Variants in RBFOX1 observed in about 807,000 individuals in gnomAD.
The protein encoded by RBFOX1 is RNA binding protein fox-1 homolog 1.
RBFOX1 carries 8 observed loss-of-function variants against 57.7 expected under a neutral mutation model. That is an observed-to-expected ratio of 0.14 (90% CI 0.08 to 0.25). RBFOX1 has a LOEUF of 0.25. Among genes scored for constraint, RBFOX1 ranks in the 10% least tolerant of loss-of-function variants. RBFOX1 has a pLI of 1.00. For synonymous variants in RBFOX1, 326 were observed against 222.4 expected (o/e 1.47, Z -4.15); for missense variants, 611 against 548.5 (o/e 1.11, Z -1.14).
intron 3 of RBFOX1, among the ~76,000 whole-genome samples, chr16:6,828,455 A>T (rs528649940): frequency 1.3e-5 from 2 of 151,864 alleles, no homozygotes; most frequent in South Asian, 2.1e-4. Context: ...ACCCAGGAGG[A>T]AGAGGTTGCA....
rs539378479 is a variant in RBFOX1, at chr16:7,628,502, A to G, written c.677-2101A>G. ...TCCCCTTGCTTGGTTTCATATCCCA[A>G]TCTCCATTCTTTGGAGTTTGGTTTG... is the stretch of plus-strand genomic sequence containing the variant. On this transcript the variant is annotated intron_variant, in intron 10 of 15. Coordinates refer to ENST00000550418, the MANE Select transcript of RBFOX1 (RefSeq NM_018723.4). Among the ~76,000 whole-genome samples, 3 of 152,116 alleles carry G rather than the reference A, an allele frequency of 2.0e-5. No homozygotes were observed. The East Asian group carries it at 5.8e-4, about 29-fold the overall frequency.
intron 1 of RBFOX1, among the ~76,000 whole-genome samples, chr16:6,111,260 T>C (rs1372149267): frequency 3.3e-5 from 5 of 152,218 alleles, no homozygotes; most frequent in Admixed American, 6.5e-5. Context: ...GTCACCCCAT[T>C]GTTGGACATA....
At chr16:7,629,718 T>C (rs758923090) in intron 10 of RBFOX1, among the ~76,000 whole-genome samples, 1 of 152,216 alleles carries the variant, frequency 6.6e-6, no homozygotes, top group Non-Finnish European at 1.5e-5. Context: ...AGGAGGTATC[T>C]CAGGATTCCA....
intron 3 of RBFOX1, among the ~76,000 whole-genome samples, chr16:6,856,823 C>G (rs1043137611): frequency 2.0e-5 from 3 of 152,022 alleles, no homozygotes; most frequent in Non-Finnish European, 4.4e-5. Context: ...TTGCGATTGT[C>G]AAACCACTGA....
At chr16:6,803,621 C>T (rs1173025850) in intron 3 of RBFOX1, among the ~76,000 whole-genome samples, 2 of 152,156 alleles carry the variant, frequency 1.3e-5, no homozygotes, top group Non-Finnish European at 1.5e-5. Context: ...GATTCCTAAA[C>T]CGAATGGACT....
intron 2 of RBFOX1, among the ~76,000 whole-genome samples, chr16:5,488,809 A>G (rs892218695): frequency 1.2e-4 from 18 of 148,674 alleles, no homozygotes; most frequent in South Asian, 6.8e-4. Flanking sequence ...ATTAACAGTG[A>G]TGATGATGAT....
chr16:7,291,933 ATATAT>A (rs992941657), intron 4 of RBFOX1, among the ~76,000 whole-genome samples: 2 of 98,506 alleles, frequency 2.0e-5, no homozygotes, highest in Non-Finnish European at 4.4e-5. Context: ...AATGTATTTT[ATATAT>A]TATATATTAT....
chr16:6,347,275 G>T (rs1238612831), intron 2 of RBFOX1, among the ~76,000 whole-genome samples: 2 of 152,112 alleles, frequency 1.3e-5, no homozygotes, highest in African/African-American at 2.4e-5. Flanking sequence ...AACGGGAGAT[G>T]GTTCTCATCC....
chr16:5,783,740 A>T (rs937382815), intron 3 of RBFOX1, among the ~76,000 whole-genome samples: 3 of 152,226 alleles, frequency 2.0e-5, no homozygotes, highest in African/African-American at 7.2e-5. Flanking sequence ...TGATGTGCCA[A>T]AACTTACCAA....
intron 1 of RBFOX1, among the ~76,000 whole-genome samples, chr16:5,352,202 C>T (rs2065277011): frequency 6.6e-6 from 1 of 152,138 alleles, no homozygotes; most frequent in African/African-American, 2.4e-5. Flanking sequence ...CTCATGTGCT[C>T]CTCCGAACGC....
intron 3 of RBFOX1, among the ~76,000 whole-genome samples, chr16:6,841,929 G>T (rs1249877991): frequency 6.6e-6 from 1 of 151,754 alleles, no homozygotes; most frequent in Non-Finnish European, 1.5e-5. Flanking sequence ...ACGAGGTCAG[G>T]AGATCGAGAC....
chr16:6,479,870 T>C lies in RBFOX1; in HGVS notation c.-64+162813T>C, dbSNP rs572611132. On this transcript the variant is annotated intron_variant, in intron 2 of 15. Transcript: ENST00000550418. ...CTTGAGACCAGCCTGACCAACATGG[T>C]GAAACCCCATCTCTACTAAAAATAC... Among the ~76,000 whole-genome samples the C allele has an allele frequency of 3.1e-4, 47 of 151,842 alleles. No homozygotes were observed. In the South Asian group the frequency reaches 9.0e-3, roughly 29 times the overall value.
At chr16:6,735,153 A>G (rs906026681) in intron 3 of RBFOX1, among the ~76,000 whole-genome samples, 5 of 151,396 alleles carry the variant, frequency 3.3e-5, no homozygotes, top group African/African-American at 9.7e-5. Context: ...TGTCTCAACA[A>G]AAACAACAAC....
intron 9 of RBFOX1, among the ~76,000 whole-genome samples, chr16:7,598,753 C>A (rs1015170726): frequency 3.3e-5 from 5 of 152,048 alleles, no homozygotes; most frequent in Admixed American, 1.3e-4. Flanking sequence ...TTTAATAAAT[C>A]TATATAGAGT....
Position 5,595,411 on chromosome 16 carries a change from A to G in RBFOX1, c.259-3491A>G, listed in dbSNP as rs1015021744. Among the ~76,000 whole-genome samples, 7 of 152,296 alleles carry G rather than the reference A, an allele frequency of 4.6e-5. No individual in the cohort carries two copies. In the South Asian group the frequency reaches 6.2e-4, roughly 14 times the overall value. ...TAAACTGAGGCGCAAGAGGGCATAC[A>G]TTTCCAGGGGAGACTACTAGACTTC... On this transcript the variant is annotated intron_variant, in intron 2 of 2. Coordinates refer to the RBFOX1 transcript ENST00000585867.
intron 4 of RBFOX1, among the ~76,000 whole-genome samples, chr16:5,870,870 C>A (rs755162332): frequency 6.6e-6 from 1 of 151,486 alleles, no homozygotes; most frequent in African/African-American, 2.4e-5. Flanking sequence ...CTTTCTTTCC[C>A]CCCCACCCCC....
intron 3 of RBFOX1, among the ~76,000 whole-genome samples, chr16:6,905,654 C>A (rs970431687): frequency 2.0e-5 from 3 of 152,022 alleles, no homozygotes; most frequent in African/African-American, 7.3e-5. Context: ...AGCAACATTG[C>A]CCCCACCATC....
chr16:7,626,689 G>C (rs1304082717), intron 10 of RBFOX1, among the ~76,000 whole-genome samples: 3 of 150,946 alleles, frequency 2.0e-5, no homozygotes, highest in Admixed American at 1.3e-4. Flanking sequence ...ATCTGTAAAA[G>C]TTATTTACAT....
At chr16:5,788,098 C>T (rs1271358013) in intron 3 of RBFOX1, among the ~76,000 whole-genome samples, 3 of 152,172 alleles carry the variant, frequency 2.0e-5, no homozygotes, top group African/African-American at 4.8e-5. Flanking sequence ...AGCCCTTCTT[C>T]CTAGGCGGAG....
Sources: gnomAD v4.1 joint callset for allele counts (sites outside exome capture counted in the v4.1 genomes callset) on GRCh38, gnomAD v4.1.1 for gene constraint, MANE v1.5 for transcripts, NCBI Gene and HGNC (gene_info 2026-07-23, HGNC 2026-07-21) for gene names.